The following COL10A1 variants were observed in gnomAD, a reference collection of about 807,000 sequenced individuals.
COL10A1 encodes collagen type X alpha 1 chain.
Under a neutral mutation model 18.2 loss-of-function variants are expected in COL10A1, and 10 were observed. The observed-to-expected ratio is 0.55, with a 90% CI of 0.34 to 0.93. COL10A1 has a LOEUF of 0.93. Among genes scored for constraint, COL10A1 ranks in the 40% least tolerant of loss-of-function variants. The pLI, the probability that COL10A1 is intolerant of heterozygous loss-of-function variation, is 0.02. For missense variants in COL10A1, 897 were observed against 853.5 expected (o/e 1.05, Z -0.64); for synonymous variants, 330 against 316.6 (o/e 1.04, Z -0.45).
chr6:116,142,237 T>G (rs931342886), intron 1 of COL10A1, among the ~76,000 whole-genome samples: 2 of 152,112 alleles, frequency 1.3e-5, no homozygotes, highest in Non-Finnish European at 2.9e-5. Context: ...GTAATTTAAT[T>G]GTAAAAGACA....
At chr6:116,147,364 C>T (rs1242498590) in intron 1 of COL10A1, among the ~76,000 whole-genome samples, 1 of 151,906 alleles carries the variant, frequency 6.6e-6, no homozygotes, top group East Asian at 1.9e-4. Flanking sequence ...ATTGCTTGAA[C>T]CCGGGAGGCA....
the COL10A1 span, among the ~76,000 whole-genome samples, chr6:116,199,992 T>C: frequency 3.5e-4 from 32 of 91,482 alleles, no homozygotes; most frequent in African/African-American, 2.4e-3. Flanking sequence ...GAGTACAGTA[T>C]GGAAAGTGGG....
At chr6:116,173,272 G>A in the COL10A1 span, among the ~76,000 whole-genome samples, 39 of 152,258 alleles carry the variant, frequency 2.6e-4, no homozygotes, top group African/African-American at 9.1e-4. Flanking sequence ...GCTGCTCCAC[G>A]TTTTATTTTT....
upstream of COL10A1, among the ~76,000 whole-genome samples, chr6:116,163,134 A>AT (rs1312026606): frequency 5.4e-3 from 656 of 122,432 alleles, 7 homozygotes; most frequent in East Asian, 0.025. Context: ...CTCAAAAAAA[A>AT]AAAAAAAATA....
Position 116,121,942 on chromosome 6 carries a change from C to G in COL10A1, c.174G>C (p.Glu58Asp). 6.2e-7 allele frequency: 1 copy of G among 1,613,078 alleles called. No homozygotes were observed. The highest frequency in any genetic ancestry group is 8.5e-7 in the Non-Finnish European group (1 of 1,179,986). ...IKSKGIAVRG[E>D]QGTPGPPGPA... Reference sequence around the variant, plus strand: ...GGCCTGGTGGACCAGGAGTACCTTGCTCTCCTCTTACTGCTATACCTAAAA... The same window carrying G: ...GGCCTGGTGGACCAGGAGTACCTTGGTCTCCTCTTACTGCTATACCTAAAA... The change falls in exon 3 of 3, where the codon GAG (glutamate) becomes GAC (aspartate). Residue 58 changes from glutamate to aspartate, a missense_variant. Physicochemically the swap from Glu to Asp is conservative, Grantham distance 45 (BLOSUM62 2). Transcript: ENST00000651968.
the COL10A1 span, among the ~76,000 whole-genome samples, chr6:116,172,011 T>C: frequency 6.6e-6 from 1 of 152,170 alleles, no homozygotes; most frequent in Non-Finnish European, 1.5e-5. Context: ...GAAATTATGT[T>C]GTAGAAAGAT....
At position 116,120,068 on chromosome 6, in the gene COL10A1, T is replaced by G. The variant is rs113210571; in HGVS notation, c.*5A>C. On this transcript the variant is annotated 3_prime_UTR_variant, in exon 3 of 3. Coordinates refer to ENST00000651968, the MANE Select transcript of COL10A1 (RefSeq NM_000493.4). Reference sequence around the variant, plus strand: ...GCACAAGATTTAGATTAGCTCTGTGTGTACTCACATTGGAGCCACTAGGAA... The same window carrying G: ...GCACAAGATTTAGATTAGCTCTGTGGGTACTCACATTGGAGCCACTAGGAA... The G allele has an allele frequency of 5.1e-6, 7 of 1,373,988 alleles. No individual in the cohort carries two copies. The highest frequency in any genetic ancestry group is 2.4e-5 in the East Asian group (1 of 42,410). The allele number at this position is 1,373,988 out of a possible 1,614,324, so 85.1% of individuals were successfully genotyped here.
the COL10A1 span, among the ~76,000 whole-genome samples, chr6:116,194,412 A>C: frequency 1.3e-5 from 2 of 152,052 alleles, no homozygotes; most frequent in Admixed American, 6.6e-5. Flanking sequence ...GGTAGTTGAC[A>C]ATTTCGGGAA....
the COL10A1 span, among the ~76,000 whole-genome samples, chr6:116,207,961 A>G: frequency 6.6e-6 from 1 of 151,964 alleles, no homozygotes; most frequent in Non-Finnish European, 1.5e-5. Flanking sequence ...TTGTCTCGGC[A>G]TTCTGTTAGG....
intron 1 of COL10A1, among the ~76,000 whole-genome samples, chr6:116,142,983 A>G (rs1779802452): frequency 6.6e-6 from 1 of 152,228 alleles, no homozygotes; most frequent in Admixed American, 6.5e-5. Context: ...TTTGATGGAT[A>G]AAATTATAGA....
intron 1 of COL10A1, among the ~76,000 whole-genome samples, chr6:116,151,807 A>G (rs1020923056): frequency 6.6e-6 from 1 of 152,220 alleles, no homozygotes; most frequent in African/African-American, 2.4e-5. Flanking sequence ...AGCAACAACA[A>G]AATACTTCAC....
At position 116,120,591 on chromosome 6, in the gene COL10A1, G is replaced by T; in HGVS notation, c.1525C>A (p.Pro509Thr). 2 of 1,587,516 alleles carry T rather than the reference G, an allele frequency of 1.3e-6. No individual in the cohort carries two copies. The highest frequency in any genetic ancestry group is 1.8e-5 in the Admixed American group (1 of 54,698). The change falls in exon 3 of 3, where the codon CCC (proline) becomes ACC (threonine). Residue 509 changes from proline (P) to threonine (T), a missense_variant. Transcript: ENST00000651968. The stretch of plus-strand genomic sequence containing the variant: ...CCTGGTGGGCCTGGAGGCCCAGGGG[G>T]CCCTGGAAGACCAGGCTCTCCAGAG... The part of the protein sequence containing the change: ...GHSGEPGLPG[P>T]PGPPGPPGQA...
At chr6:116,192,509 G>T in the COL10A1 span, among the ~76,000 whole-genome samples, 1 of 151,924 alleles carries the variant, frequency 6.6e-6, no homozygotes. Context: ...GCTCAAATTG[G>T]ATTCTGTGTT....
chr6:116,121,430 C>T lies in COL10A1; in HGVS notation c.686G>A (p.Gly229Glu), dbSNP rs202057046. The stretch of plus-strand genomic sequence containing the variant: ...TCTATCACCTTTGATGCCTGGCTGT[C>T]CTGGAACCCCATTTTCACCTCTTTT... ...VGKRGENGVP[G>E]QPGIKGDRGF... The change falls in exon 3 of 3, where the codon GGA becomes GAA. Residue 229 changes from glycine to glutamate, a missense_variant. By Grantham distance (98) the Gly-to-Glu change is moderately conservative. Coordinates refer to ENST00000651968, the MANE Select transcript of COL10A1 (RefSeq NM_000493.4). 6.2e-7 allele frequency: 1 copy of T among 1,614,156 alleles called. No individual in the cohort carries two copies. Among genetic ancestry groups the T allele is most frequent in the Non-Finnish European group, 8.5e-7 (1 of 1,180,008 alleles).
At chr6:116,212,905 T>C in the COL10A1 span, among the ~76,000 whole-genome samples, 1 of 152,204 alleles carries the variant, frequency 6.6e-6, no homozygotes, top group Non-Finnish European at 1.5e-5. Context: ...AAGCTTTTCA[T>C]GTATTTACAT....
At chr6:116,161,107 C>T (rs1242778358), upstream of COL10A1, among the ~76,000 whole-genome samples, 1 of 149,320 alleles carries the variant, frequency 6.7e-6, no homozygotes, top group Non-Finnish European at 1.5e-5. Flanking sequence ...AACCAAACAC[C>T]GCATGTTCTC....
At chr6:116,129,913 C>A (rs2114326093), upstream of COL10A1, among the ~76,000 whole-genome samples, 1 of 152,236 alleles carries the variant, frequency 6.6e-6, no homozygotes, top group East Asian at 1.9e-4. Context: ...GTTTGAGATA[C>A]ACACATTCAC....
At chr6:116,203,155 TCTATA>T in the COL10A1 span, among the ~76,000 whole-genome samples, 8 of 152,034 alleles carry the variant, frequency 5.3e-5, no homozygotes, top group Non-Finnish European at 8.8e-5. Context: ...TGGTTGCTTT[TCTATA>T]CTAAACAGTT....
the COL10A1 span, among the ~76,000 whole-genome samples, chr6:116,186,079 C>T: frequency 6.6e-6 from 1 of 151,936 alleles, no homozygotes; most frequent in Non-Finnish European, 1.5e-5. Flanking sequence ...GGCAAATTCT[C>T]GCAGCATTTG....
Sources: allele counts gnomAD v4.1 joint callset (sites outside exome capture counted in the v4.1 genomes callset), GRCh38; gene constraint gnomAD v4.1.1; transcripts MANE v1.5; gene names NCBI Gene and HGNC (gene_info 2026-07-23, HGNC 2026-07-21).